PSG2: variants seen among roughly 807,000 people sequenced by gnomAD.
PSG2 encodes pregnancy-specific beta-1-glycoprotein 2.
In PSG2, 49 loss-of-function variants were observed where a neutral mutation model predicts 36.2. The observed-to-expected ratio is 1.35, with a 90% CI of 1.08 to 1.72. PSG2 has a LOEUF of 1.72. Ranked by LOEUF, PSG2 falls within the 40% of genes most tolerant of loss-of-function variation. The probability of loss-of-function intolerance (pLI) is 0.00; values close to 1 mark genes in which losing one functional copy is unlikely to be tolerated. For synonymous variants in PSG2, 261 were observed against 155.6 expected, an observed-to-expected ratio of 1.68 and a Z score of -5.04; for missense variants, 605 against 407.2, an observed-to-expected ratio of 1.49 and a Z score of -4.18.
intron 3 of PSG2, chr19:43,072,585 TG>T: frequency 6.2e-7 from 1 of 1,611,454 alleles, no homozygotes; most frequent in Admixed American, 1.7e-5. Flanking sequence ...TTATTCTCCC[TG>T]GGGTTTAAGT....
At chr19:43,075,830 A>C (rs960319217) in intron 2 of PSG2, among the ~76,000 whole-genome samples, 198 bp from the exon 3 acceptor site, 2 of 151,546 alleles carry the variant, frequency 1.3e-5, no homozygotes, top group African/African-American at 4.9e-5. Flanking sequence ...TTTATGTGGG[A>C]GAAGCACAGA....
At position 43,067,624 on chromosome 19, in the gene PSG2, C is replaced by G. The variant is rs1473401608; in HGVS notation, c.965-1024G>C. On this transcript the variant is annotated intron_variant, in intron 4 of 5. Transcript: ENST00000406487. Reference sequence around the variant, plus strand: ...AAGCTTAGCGTGGTGTAAAAACTTTCCTGGTGTCATATGGCTAGTGACAGG... The same window carrying G: ...AAGCTTAGCGTGGTGTAAAAACTTTGCTGGTGTCATATGGCTAGTGACAGG... Among the ~76,000 whole-genome samples the G allele has an allele frequency of 2.0e-5, 3 of 151,292 alleles. 1 individual carries two copies. The highest frequency in any genetic ancestry group is 4.4e-5 in the Non-Finnish European group (3 of 67,938).
chr19:43,075,620 T>A lies in PSG2; in HGVS notation c.443A>T (p.Lys148Met). Residue 148 changes from lysine to methionine, a missense_variant, in exon 3 of 6, where the codon AAG becomes ATG. By Grantham distance (95) the Lys-to-Met change is moderately conservative. Coordinates refer to ENST00000406487, the MANE Select transcript of PSG2 (RefSeq NM_031246.4). ...TAAGTTGCTGCTGGAGATGGAGGGC[T>A]TGGGAGTCTCCACTGTGCAGAAAAC... Reference protein sequence around the residue: ...FTFTLYLETPKPSISSSNLNP... With the variant: ...FTFTLYLETPMPSISSSNLNP... 1 of 1,612,694 alleles carries A rather than the reference T, an allele frequency of 6.2e-7. No homozygotes were observed. Among genetic ancestry groups the A allele is most frequent in the Non-Finnish European group, 8.5e-7 (1 of 1,179,496 alleles).
rs753736880 is a variant in PSG2, at chr19:43,080,900, A to T, written c.411T>A (p.Tyr137Ter). Residue 137 changes from tyrosine (Y) to a stop codon, truncating the protein, a stop_gained, in exon 2 of 6, where the codon TAT becomes TAA. Transcript: ENST00000406487. LOFTEE classifies it high-confidence loss of function. ...RGDGTRGVTG[Y>*]FTFTLYLETP... Reference sequence around the variant, plus strand: ...ACTTACGGTATAAGGTGAAGGTGAAATATCCAGTTACTCCTCTAGTCCCAT... The same window carrying T: ...ACTTACGGTATAAGGTGAAGGTGAATTATCCAGTTACTCCTCTAGTCCCAT... The T allele has an allele frequency of 6.2e-6, 10 of 1,612,334 alleles. No individual in the cohort carries two copies. Among genetic ancestry groups the T allele is most frequent in the Non-Finnish European group, 8.5e-6 (10 of 1,179,338 alleles).
chr19:43,080,895 G>T lies in PSG2; in HGVS notation c.416C>A (p.Thr139Asn). 6.2e-7 allele frequency: 1 copy of T among 1,612,404 alleles called. No individual in the cohort carries two copies. Among genetic ancestry groups the T allele is most frequent in the Non-Finnish European group, 8.5e-7 (1 of 1,179,300 alleles). The stretch of plus-strand genomic sequence containing the variant: ...GAATCACTTACGGTATAAGGTGAAG[G>T]TGAAATATCCAGTTACTCCTCTAGT... ...DGTRGVTGYF[T>N]FTLYLETPKP... Residue 139 changes from threonine (T) to asparagine (N), a missense_variant, in exon 2 of 6, where the codon ACC (threonine) becomes AAC (asparagine). Physicochemically the swap from Thr to Asn is moderately conservative, Grantham distance 65. Transcript: ENST00000406487.
At chr19:43,080,662 C>G (rs1435308935) in intron 2 of PSG2, among the ~76,000 whole-genome samples, 1 of 151,606 alleles carries the variant, frequency 6.6e-6, no homozygotes, top group Non-Finnish European at 1.5e-5. Flanking sequence ...ACTGTCCTTC[C>G]TCTGCAGCGA....
At chr19:43,074,952 A>T (rs534620684) in intron 3 of PSG2, among the ~76,000 whole-genome samples, 1 of 151,730 alleles carries the variant, frequency 6.6e-6, no homozygotes, top group East Asian at 1.9e-4. Flanking sequence ...CATCCAGGCC[A>T]TCTGGAGCAA....
At chr19:43,069,114 A>C (rs984178065) in intron 4 of PSG2, among the ~76,000 whole-genome samples, 2 of 151,764 alleles carry the variant, frequency 1.3e-5, no homozygotes, top group Non-Finnish European at 2.9e-5. Context: ...AATTTATATT[A>C]ACATCAAAAA....
chr19:43,079,601 T>C (rs1326913255), intron 2 of PSG2, among the ~76,000 whole-genome samples: 1 of 151,652 alleles, frequency 6.6e-6, no homozygotes, highest in Non-Finnish European at 1.5e-5. Context: ...GATCCTCTCA[T>C]GACAGTGACA....
rs1967727831 is a variant in PSG2, at chr19:43,065,511, A to G, written c.*41-910T>C. 2 of 151,692 alleles carry G rather than the reference A, an allele frequency of 1.3e-5. 1 individual carries two copies. The highest frequency in any genetic ancestry group is 4.9e-5 in the African/African-American group (2 of 41,092). 9.4% of individuals were successfully genotyped at this position (151,692 alleles called of 1,614,324 possible). On this transcript the variant is annotated intron_variant, in intron 5 of 5. Transcript: ENST00000406487. ...TCCCTCTCCAGACCTTTGAACTGGA[A>G]CTAATGGGTGGGGCTTGAGCATCCA... is the stretch of plus-strand genomic sequence containing the variant.
intron 2 of PSG2, among the ~76,000 whole-genome samples, chr19:43,076,291 A>G (rs1225799826): frequency 6.6e-6 from 1 of 151,632 alleles, no homozygotes; most frequent in East Asian, 1.9e-4. Context: ...GAGTCCAAGG[A>G]ATGACCTACA....
chr19:43,077,389 C>T (rs1200893288), intron 2 of PSG2, among the ~76,000 whole-genome samples: 2 of 151,692 alleles, frequency 1.3e-5, no homozygotes, highest in East Asian at 3.8e-4. Flanking sequence ...AGAAAGAACT[C>T]CCTGCTTCTA....
chr19:43,072,544 C>G lies in PSG2; in HGVS notation c.710-590G>C, dbSNP rs1265968844. The stretch of plus-strand genomic sequence containing the variant: ...ACCAAATGTAGGTGTAGCTCTCACT[C>G]TTAGGTTCACAGGTGAAGGCTAATA... On this transcript the variant is annotated intron_variant, in intron 3 of 5. Transcript: ENST00000406487. The G allele has an allele frequency of 3.7e-6, 6 of 1,611,236 alleles. 1 individual carries two copies. The highest frequency in any genetic ancestry group is 4.2e-6 in the Non-Finnish European group (5 of 1,179,608).
intron 3 of PSG2, among the ~76,000 whole-genome samples, chr19:43,073,626 T>A (rs1272359730): frequency 5.9e-5 from 9 of 151,622 alleles, no homozygotes; most frequent in Non-Finnish European, 1.3e-4. Context: ...CTCATGTAAG[T>A]GGATTCCAGA....
chr19:43,073,219 G>C (rs1454138619), intron 3 of PSG2, among the ~76,000 whole-genome samples: 2 of 151,780 alleles, frequency 1.3e-5, no homozygotes, highest in Admixed American at 1.3e-4. Flanking sequence ...CACAAGGTGG[G>C]GCAGCTTTTT....
At chr19:43,066,799 A>T (rs1967746029) in intron 4 of PSG2, among the ~76,000 whole-genome samples, 199 bp from the exon 5 acceptor site, 1 of 151,518 alleles carries the variant, frequency 6.6e-6, no homozygotes. Context: ...GTTGGTGATC[A>T]GTCCTCTGTC....
chr19:43,079,976 T>C (rs1292413728), intron 2 of PSG2, among the ~76,000 whole-genome samples: 1 of 151,718 alleles, frequency 6.6e-6, no homozygotes, highest in African/African-American at 2.4e-5. Flanking sequence ...CTCAATCAAA[T>C]AAGCTAAATG....
At chr19:43,074,670 C>T (rs1404176179) in intron 3 of PSG2, among the ~76,000 whole-genome samples, 2 of 151,702 alleles carry the variant, frequency 1.3e-5, no homozygotes, top group Admixed American at 1.3e-4. Flanking sequence ...CACTGGAAAA[C>T]ATATTGCCAA....
At chr19:43,072,306 T>G in intron 3 of PSG2, 1 of 1,606,368 alleles carries the variant, frequency 6.2e-7, no homozygotes, top group Non-Finnish European at 8.5e-7. Flanking sequence ...CCCTGGTCAT[T>G]TGGATTTAAG....
Sources: gnomAD v4.1 joint callset for allele counts (sites outside exome capture counted in the v4.1 genomes callset) on GRCh38, gnomAD v4.1.1 for gene constraint, MANE v1.5 for transcripts, NCBI Gene and HGNC (gene_info 2026-07-23, HGNC 2026-07-21) for gene names.